The following PCDH7 variants were observed in gnomAD, a reference collection of about 807,000 sequenced individuals.
PCDH7 encodes the protein protocadherin 7.
A neutral mutation model predicts 58.9 loss-of-function variants in PCDH7; 17 were observed. The ratio of observed to expected loss-of-function variants is 0.29; its 90% confidence interval spans 0.20 to 0.43. The LOEUF is 0.43. PCDH7 is among the 20% of genes least tolerant of loss of function. PCDH7 has a pLI of 1.00. For missense variants in PCDH7, 1,274 were observed against 1,441.0 expected (o/e 0.88, Z 1.88); for synonymous variants, 664 against 616.4 (o/e 1.08, Z -1.14).
intron 3 of PCDH7, among the ~76,000 whole-genome samples, chr4:31,013,592 TACACACACACAC>T (rs138674335): frequency 2.0e-5 from 3 of 146,438 alleles, no homozygotes; most frequent in African/African-American, 5.0e-5. Flanking sequence ...ATATATTTTA[TACACACACACAC>T]ACACACACAC....
chr4:30,992,184 T>C (rs1751514304), intron 3 of PCDH7, among the ~76,000 whole-genome samples: 1 of 152,238 alleles, frequency 6.6e-6, no homozygotes, highest in Non-Finnish European at 1.5e-5. Context: ...TGGCTTATAG[T>C]GTTTGTTAAG....
intron 1 of PCDH7, among the ~76,000 whole-genome samples, chr4:30,769,444 G>A (rs1489204886): frequency 6.6e-6 from 1 of 152,126 alleles, no homozygotes; most frequent in Non-Finnish European, 1.5e-5. Context: ...ATATTTATCC[G>A]ATAAGCCTCA....
chr4:31,075,857 T>C (rs1166489504), intron 3 of PCDH7, among the ~76,000 whole-genome samples: 1 of 152,186 alleles, frequency 6.6e-6, no homozygotes, highest in African/African-American at 2.4e-5. Flanking sequence ...CTATGGAAAA[T>C]TTCTTCAGTG....
At chr4:31,053,950 C>A (rs1756948746) in intron 3 of PCDH7, among the ~76,000 whole-genome samples, 1 of 151,884 alleles carries the variant, frequency 6.6e-6, no homozygotes, top group Non-Finnish European at 1.5e-5. Flanking sequence ...ACACCTGGAC[C>A]CTGGAACAAC....
intron 3 of PCDH7, among the ~76,000 whole-genome samples, chr4:31,055,706 A>T (rs981518931): frequency 2.0e-5 from 3 of 151,860 alleles, no homozygotes; most frequent in African/African-American, 7.3e-5. Context: ...CCTCCCAAGT[A>T]TCTGGGACTA....
rs200545276 is a variant in PCDH7, at chr4:30,739,114, TATATATATATTTTATATATAAAA to T, written c.70+14539_70+14561del. Among the ~76,000 whole-genome samples the T allele has an allele frequency of 1.3e-3, 193 of 147,530 alleles. 1 individual carries two copies. The East Asian group carries it at 0.023, about 18-fold the overall frequency. On this transcript the variant is annotated intron_variant, in intron 1 of 3. Coordinates refer to the PCDH7 transcript ENST00000509759. ...ATTAATAATGAGCAACCTGGAACTATATATATATATTTTATATATAAAAATATATATATTTTATATATATATTA... is the reference window on the plus strand; with the variant it reads ...ATTAATAATGAGCAACCTGGAACTATATATATATATTTTATATATATATTA...
chr4:31,040,616 C>A (rs1206845793), intron 3 of PCDH7, among the ~76,000 whole-genome samples: 1 of 152,082 alleles, frequency 6.6e-6, no homozygotes, highest in Non-Finnish European at 1.5e-5. Context: ...TGAGTTTAGG[C>A]CAGGTTGGCC....
intron 3 of PCDH7, among the ~76,000 whole-genome samples, chr4:31,064,247 T>A (rs1334725545): frequency 6.6e-6 from 1 of 151,944 alleles, no homozygotes; most frequent in African/African-American, 2.4e-5. Flanking sequence ...ATATAAAAAA[T>A]TTGGAAACAA....
intron 3 of PCDH7, among the ~76,000 whole-genome samples, chr4:30,992,795 T>A (rs1262476044): frequency 2.6e-5 from 2 of 75,852 alleles, no homozygotes; most frequent in Non-Finnish European, 5.2e-5. Flanking sequence ...GTCCCATTCT[T>A]TTTTTTTTTT....
chr4:30,979,688 G>A (rs34145637), intron 3 of PCDH7, among the ~76,000 whole-genome samples: 7,485 of 151,528 alleles, frequency 0.049, 399 homozygotes, highest in East Asian at 0.29. Context: ...GTTACTTATC[G>A]TTTCACTTAG....
intron 3 of PCDH7, among the ~76,000 whole-genome samples, chr4:31,111,935 T>G (rs16884355): frequency 0.04 from 6,077 of 152,290 alleles, 164 homozygotes; most frequent in South Asian, 0.11. Context: ...AGCAAGCTAC[T>G]TAATGATTTT....
chr4:30,823,822 T>C (rs1728676539), intron 1 of PCDH7, among the ~76,000 whole-genome samples: 1 of 152,128 alleles, frequency 6.6e-6, no homozygotes, highest in Non-Finnish European at 1.5e-5. Flanking sequence ...GCAGAACAAA[T>C]AGCACCCAAC....
Position 30,722,493 on chromosome 4 carries a change from G to A in PCDH7, c.1071G>A (p.Leu357=). The A allele has an allele frequency of 6.2e-7, 1 of 1,609,552 alleles. No homozygotes were observed. Among genetic ancestry groups the A allele is most frequent in the South Asian group, 1.1e-5 (1 of 90,820 alleles). The change falls in exon 1 of 2, where the codon CTG becomes CTA. Residue 357 remains leucine (L), a synonymous_variant. Transcript: ENST00000361762. This position sits in a 1 kb window ranked among gnomAD's most constrained non-coding sequence, Gnocchi z 7.6. The stretch of plus-strand genomic sequence containing the variant: ...CGGCCACCGAGTCGGTGAGGCGGCT[G>A]CTGCGCCTTGACGAGACGTCCGGCT...
chr4:30,828,770 G>A (rs1355528250), intron 1 of PCDH7, among the ~76,000 whole-genome samples: 3 of 151,734 alleles, frequency 2.0e-5, no homozygotes, highest in African/African-American at 7.3e-5. Flanking sequence ...GGCTGCTGAA[G>A]GTATTTTCTG....
chr4:31,117,423 A>T (rs1499475), intron 3 of PCDH7, among the ~76,000 whole-genome samples: 2 of 151,846 alleles, frequency 1.3e-5, no homozygotes, highest in Non-Finnish European at 2.9e-5. Context: ...ACTCCCATAT[A>T]TATTTGAAGC....
intron 1 of PCDH7, among the ~76,000 whole-genome samples, chr4:30,911,098 A>G (rs1321780440): frequency 1.3e-5 from 2 of 152,152 alleles, no homozygotes; most frequent in African/African-American, 2.4e-5. Context: ...CATAAGTGGG[A>G]GTTGAACAAT....
At chr4:31,037,644 T>C (rs1437535553) in intron 3 of PCDH7, among the ~76,000 whole-genome samples, 1 of 152,176 alleles carries the variant, frequency 6.6e-6, no homozygotes, top group Non-Finnish European at 1.5e-5. Flanking sequence ...CTGATAGTAG[T>C]TGGGAATATT....
downstream of PCDH7, among the ~76,000 whole-genome samples, chr4:30,733,841 T>C (rs755955630): frequency 1.3e-5 from 2 of 152,236 alleles, no homozygotes; most frequent in Middle Eastern, 3.2e-3. Context: ...TTTTGAAATG[T>C]ATGTTTTGGA....
At chr4:30,759,174 T>G (rs966335914) in intron 1 of PCDH7, among the ~76,000 whole-genome samples, 3 of 152,080 alleles carry the variant, frequency 2.0e-5, no homozygotes, top group Non-Finnish European at 4.4e-5. Context: ...ACTCCTGACC[T>G]CAGGCCATCC....
Sources: allele counts gnomAD v4.1 joint callset (sites outside exome capture counted in the v4.1 genomes callset), GRCh38; gene constraint gnomAD v4.1.1; non-coding constraint Gnocchi (gnomAD v3.1); transcripts MANE v1.5; gene names NCBI Gene and HGNC (gene_info 2026-07-23, HGNC 2026-07-21).